Variants in LRP2 observed in about 807,000 individuals in gnomAD.
LRP2 encodes LDL receptor related protein 2.
Under a neutral mutation model 531.0 loss-of-function variants are expected in LRP2, and 172 were observed. The ratio of observed to expected loss-of-function variants is 0.32; its 90% CI spans 0.29 to 0.37. The LOEUF is 0.37. LRP2 is among the 10% of genes least tolerant of loss of function. The pLI, the probability that LRP2 is intolerant of heterozygous loss-of-function variation, is 1.00. For synonymous variants in LRP2, 1,992 were observed against 2,027.6 expected (o/e 0.98, Z 0.47); for missense variants, 5,167 against 5,868.3 (o/e 0.88, Z 3.90).
chr2:169,204,110 T>C lies in LRP2; in HGVS notation c.7877A>G (p.Gln2626Arg), dbSNP rs1352267667. 2 of 1,614,096 alleles carry C rather than the reference T, an allele frequency of 1.2e-6. No homozygotes were observed. Among genetic ancestry groups the C allele is most frequent in the Non-Finnish European group, 8.5e-7 (1 of 1,180,038 alleles). The change falls in exon 42 of 79, where the codon CAG becomes CGG. Residue 2626 changes from glutamine to arginine, a missense_variant. By Grantham distance (43) the Gln-to-Arg change is conservative. This residue lies in a region of LRP2 where 1,129 missense variants were observed against 1,362.7 expected (regional missense o/e 0.83). Coordinates refer to ENST00000649046, the MANE Select transcript of LRP2 (RefSeq NM_004525.3). ...YRANKYDGSG[Q>R]IAMTTNLLSQ... is the part of the protein sequence containing the mutation. ...GAGCAAATTTGTGGTCATTGCAATC[T>C]GACCTGACCCGTCATATTTGTTAGC...
rs113237924 is a variant in LRP2 at position 169,138,679 on chromosome 2, T to C, written c.13416A>G (p.Glu4472=). 1 of 1,613,960 alleles carries C rather than the reference T, an allele frequency of 6.2e-7. No homozygotes were observed. The highest frequency in any genetic ancestry group is 1.3e-5 in the African/African-American group (1 of 74,924). The part of the protein sequence containing the change: ...PSLSSLVKPS[E]NGNGVTFRSG... ...ATCTGAAGGTCACCCCATTCCCATTTTCAGAGGGCTTGACGAGACTGCTTA... is the reference window on the plus strand; with the variant it reads ...ATCTGAAGGTCACCCCATTCCCATTCTCAGAGGGCTTGACGAGACTGCTTA... Residue 4472 remains glutamate (E), a synonymous_variant, in exon 75 of 79, where the codon GAA becomes GAG. Transcript: ENST00000649046.
intron 1 of LRP2, among the ~76,000 whole-genome samples, chr2:169,323,462 G>A (rs1317494020): frequency 6.6e-6 from 1 of 152,130 alleles, no homozygotes; most frequent in Non-Finnish European, 1.5e-5. Flanking sequence ...AACCACTAGT[G>A]AAAAGGTCTA....
intron 77 of LRP2, among the ~76,000 whole-genome samples, chr2:169,130,119 T>G (rs2105324071): frequency 6.6e-6 from 1 of 152,206 alleles, no homozygotes; most frequent in East Asian, 1.9e-4. Context: ...GCGCTTACAG[T>G]TAAGTGGGGC....
At chr2:169,326,588 T>C (rs1238235365) in intron 1 of LRP2, among the ~76,000 whole-genome samples, 1 of 152,074 alleles carries the variant, frequency 6.6e-6, no homozygotes, top group Non-Finnish European at 1.5e-5. Context: ...CCCAGCCGCC[T>C]GCCTTGGCCT....
chr2:169,347,088 C>T (rs1182615307), intron 1 of LRP2, among the ~76,000 whole-genome samples: 1 of 152,194 alleles, frequency 6.6e-6, no homozygotes, highest in Non-Finnish European at 1.5e-5. Flanking sequence ...CCTCTTTCAT[C>T]CCCATTAAAA....
At chr2:169,267,627 G>C (rs1683255081) in intron 16 of LRP2, among the ~76,000 whole-genome samples, 1 of 152,166 alleles carries the variant, frequency 6.6e-6, no homozygotes, top group Admixed American at 6.5e-5. Context: ...GAAATTTATA[G>C]CACTAAATGC....
intron 61 of LRP2, 96 bp from the exon 62 acceptor site, chr2:169,166,150 A>C: frequency 8.0e-7 from 1 of 1,257,484 alleles, no homozygotes; most frequent in Non-Finnish European, 1.2e-6. Flanking sequence ...GGCTTGCTTC[A>C]TTCATGCACT....
chr2:169,312,521 A>G (rs1443986865), intron 3 of LRP2, among the ~76,000 whole-genome samples: 1 of 152,170 alleles, frequency 6.6e-6, no homozygotes, highest in Non-Finnish European at 1.5e-5. Flanking sequence ...AAGAATGTTG[A>G]ATATTGGCCC....
intron 53 of LRP2, among the ~76,000 whole-genome samples, chr2:169,176,994 T>G (rs1402853293): frequency 3.9e-5 from 6 of 152,226 alleles, no homozygotes; most frequent in Admixed American, 3.9e-4. Flanking sequence ...AAAAATAATG[T>G]GGATGAATAA....
In LRP2 at chr2:169,239,705, T is replaced by C. The variant is rs773755797; in HGVS notation, c.4116A>G (p.Lys1372=). ...GTAAGAATCCCAATGGACATAGGCA[T>C]TTAGCCCCAAAGGGCTCTTGAACAC... is the stretch of plus-strand genomic sequence containing the variant. The part of the protein sequence containing the change: ...HECVQEPFGA[K]CLCPLGFLLA... Residue 1372 remains lysine, a synonymous_variant, in exon 26 of 79, where the codon AAA becomes AAG. Transcript: ENST00000649046. 6.2e-7 allele frequency: 1 copy of C among 1,614,002 alleles called. No individual in the cohort carries two copies. The highest frequency in any genetic ancestry group is 1.1e-5 in the South Asian group (1 of 91,086).
chr2:169,214,758 C>A (rs750479149), intron 35 of LRP2, among the ~76,000 whole-genome samples: 9 of 152,166 alleles, frequency 5.9e-5, no homozygotes, highest in Non-Finnish European at 1.3e-4. Context: ...CAAGCTGAGC[C>A]GTGATCCAAC....
rs559996593 is a variant in LRP2, at chr2:169,310,890, G to A, written c.311-3493C>T. The stretch of plus-strand genomic sequence containing the variant: ...GCCTCAATTTCAGAGCCTGTTATTG[G>A]ACTATTCAGGGATTCAACTTCTTCC... On this transcript the variant is annotated intron_variant, in intron 3 of 78. Transcript: ENST00000649046. 4.4e-3 allele frequency among the ~76,000 whole-genome samples: 667 copies of A among 152,246 alleles called. 4 individuals carry two copies. The highest frequency in any genetic ancestry group is 0.027 in the Middle Eastern group (8 of 294).
intron 21 of LRP2, 75 bp from the exon 22 acceptor site, chr2:169,245,007 C>A: frequency 3.9e-6 from 6 of 1,548,086 alleles, no homozygotes. Context: ...CTTATAAAGG[C>A]TCAGTTCACC....
intron 63 of LRP2, among the ~76,000 whole-genome samples, chr2:169,161,671 G>A (rs1290976023): frequency 6.6e-6 from 1 of 151,976 alleles, no homozygotes; most frequent in African/African-American, 2.4e-5. Context: ...ACGGAGTTTC[G>A]CCATGCTGCC....
chr2:169,193,739 G>A, intron 47 of LRP2, 22 bp downstream of exon 47: 1 of 1,614,052 alleles, frequency 6.2e-7, no homozygotes, highest in Non-Finnish European at 8.5e-7. Context: ...ACTCTGCAGA[G>A]GAATTAATTG....
At chr2:169,267,606 G>T (rs1453291342) in intron 16 of LRP2, among the ~76,000 whole-genome samples, 1 of 152,156 alleles carries the variant, frequency 6.6e-6, no homozygotes, top group Non-Finnish European at 1.5e-5. Context: ...ATTTGAAGTA[G>T]GGTGTAGAAG....
chr2:169,142,569 C>A (rs536063035), intron 71 of LRP2, 105 bp downstream of exon 71: 5 of 1,530,800 alleles, frequency 3.3e-6, no homozygotes, highest in Admixed American at 1.7e-5. Context: ...TTCCAGCCAT[C>A]CCCACTCTGC....
At chr2:169,176,363 T>A in intron 54 of LRP2, 48 bp downstream of exon 54, 1 of 1,610,190 alleles carries the variant, frequency 6.2e-7, no homozygotes, top group Middle Eastern at 1.8e-4. Context: ...GGTCAATGTC[T>A]GTCCACGGGC....
intron 3 of LRP2, among the ~76,000 whole-genome samples, chr2:169,310,607 A>G (rs1684567112): frequency 6.6e-6 from 1 of 152,198 alleles, no homozygotes; most frequent in Non-Finnish European, 1.5e-5. Flanking sequence ...GTTTGCCAGT[A>G]TTTCACTGAA....
Sources: gnomAD v4.1 joint callset for allele counts (sites outside exome capture counted in the v4.1 genomes callset) on GRCh38, gnomAD v4.1.1 for gene constraint, gnomAD v4.1.1 regional missense constraint, MANE v1.5 for transcripts, NCBI Gene and HGNC (gene_info 2026-07-23, HGNC 2026-07-21) for gene names.